IL7: variants seen among roughly 807,000 people sequenced by gnomAD.
The protein encoded by IL7 is interleukin-7.
Under a neutral mutation model 21.6 loss-of-function variants are expected in IL7, and 3 were observed. That is an observed-to-expected ratio of 0.14 (90% CI 0.06 to 0.36). The LOEUF (loss-of-function observed/expected upper bound fraction) is 0.36. Among genes scored for constraint, IL7 ranks in the 10% least tolerant of loss-of-function variants. IL7 has a pLI of 1.00. For missense variants in IL7, 175 were observed against 200.2 expected (o/e 0.87, Z 0.76); for synonymous variants, 62 against 68.1 (o/e 0.91, Z 0.44).
chr8:78,680,719 G>A (rs184391551), intron 4 of IL7, among the ~76,000 whole-genome samples: 13 of 152,276 alleles, frequency 8.5e-5, no homozygotes, highest in Admixed American at 6.5e-4. Context: ...GAAATTACCC[G>A]TAAGAGGAGG....
chr8:78,676,138 A>G (rs78656367), intron 4 of IL7: 4 of 249,694 alleles, frequency 1.6e-5, no homozygotes, highest in Non-Finnish European at 3.0e-5. Flanking sequence ...AAAAAAAAAA[A>G]CAAAATCAGA....
At chr8:78,698,274 C>A in intron 3 of IL7, 1 of 630,106 alleles carries the variant, frequency 1.6e-6, no homozygotes, top group Non-Finnish European at 2.6e-6. Flanking sequence ...TCTGGAAATG[C>A]CATTTAAAAA....
intron 2 of IL7, among the ~76,000 whole-genome samples, chr8:78,783,244 A>G (rs2130812606): frequency 6.6e-6 from 1 of 152,302 alleles, no homozygotes; most frequent in Non-Finnish European, 1.5e-5. Flanking sequence ...GTGTGGGCTT[A>G]TGATGGGAAT....
chr8:78,752,667 C>T (rs1812213520), intron 2 of IL7, among the ~76,000 whole-genome samples: 1 of 152,064 alleles, frequency 6.6e-6, no homozygotes, highest in Admixed American at 6.6e-5. Context: ...CATAGGTATA[C>T]ATGTGCCATG....
intron 3 of IL7, among the ~76,000 whole-genome samples, chr8:78,694,442 T>G (rs1372667987): frequency 6.6e-6 from 1 of 152,192 alleles, no homozygotes; most frequent in Admixed American, 6.5e-5. Context: ...TAGGTATCTA[T>G]GAGTCTTATC....
At chr8:78,717,146 TA>T (rs370508243), downstream of IL7, among the ~76,000 whole-genome samples, 212 of 151,442 alleles carry the variant, frequency 1.4e-3, no homozygotes, top group East Asian at 2.5e-3. Flanking sequence ...AATATAATGT[TA>T]AAAAAAAATG....
intron 2 of IL7, among the ~76,000 whole-genome samples, chr8:78,764,491 A>T (rs1563426184): frequency 6.6e-6 from 1 of 152,114 alleles, no homozygotes. Flanking sequence ...TAAAAGTTGC[A>T]GGATACAAGA....
At chr8:78,775,599 C>T (rs1813106767) in intron 2 of IL7, among the ~76,000 whole-genome samples, 2 of 152,114 alleles carry the variant, frequency 1.3e-5, no homozygotes, top group Non-Finnish European at 2.9e-5. Flanking sequence ...TCCAACATCT[C>T]ATAGCCAAAG....
At chr8:78,779,948 T>C (rs1047693131) in intron 2 of IL7, among the ~76,000 whole-genome samples, 5 of 152,336 alleles carry the variant, frequency 3.3e-5, no homozygotes, top group Admixed American at 2.6e-4. Context: ...TTCAACTTCT[T>C]CCTGGTTCAG....
At chr8:78,699,798 C>A (rs1398754679) in intron 3 of IL7, among the ~76,000 whole-genome samples, 2 of 152,118 alleles carry the variant, frequency 1.3e-5, no homozygotes, top group African/African-American at 2.4e-5. Flanking sequence ...AGGACATGAT[C>A]TAATTCCTTT....
rs1810558649 is a variant in IL7, at chr8:78,700,317, T to A, written n.215-14370A>T. ...TTGTCCACTTTTTAATGGGATTGTT[T>A]GTTTTTTTTCTTGTAAGTTTCTTTT... On this transcript the variant is annotated intron_variant and non_coding_transcript_variant, in intron 3 of 4. Transcript: ENST00000523959. Among the ~76,000 whole-genome samples the A allele has an allele frequency of 2.6e-5, 4 of 152,168 alleles. No homozygotes were observed. The South Asian group carries it at 8.3e-4, about 32-fold the overall frequency.
chr8:78,780,471 C>T (rs1041006676), intron 2 of IL7, among the ~76,000 whole-genome samples: 1 of 152,124 alleles, frequency 6.6e-6, no homozygotes, highest in African/African-American at 2.4e-5. Context: ...CTGACTTGTG[C>T]CTTAAGTTCA....
At chr8:78,790,153 A>G (rs553709866) in intron 2 of IL7, among the ~76,000 whole-genome samples, 1 of 152,312 alleles carries the variant, frequency 6.6e-6, no homozygotes, top group East Asian at 1.9e-4. Context: ...TAAGTTTACA[A>G]CTTAAAATAA....
chr8:78,792,758 G>A (rs995555234), intron 2 of IL7, among the ~76,000 whole-genome samples: 1 of 152,048 alleles, frequency 6.6e-6, no homozygotes, highest in African/African-American at 2.4e-5. Context: ...GAGATAGCTA[G>A]AATAAAAAGT....
intron 2 of IL7, among the ~76,000 whole-genome samples, chr8:78,757,428 C>G (rs1186501192): frequency 6.6e-6 from 1 of 151,866 alleles, no homozygotes; most frequent in Non-Finnish European, 1.5e-5. Flanking sequence ...AGATTAAGTC[C>G]AATATTTCTT....
At chr8:78,803,061 G>A (rs763719793) in intron 1 of IL7, among the ~76,000 whole-genome samples, 2 of 152,286 alleles carry the variant, frequency 1.3e-5, no homozygotes, top group African/African-American at 2.4e-5. Context: ...ACGTAAGTTC[G>A]TTCTATGAAA....
chr8:78,801,550 C>T (rs1226804852), intron 1 of IL7, among the ~76,000 whole-genome samples: 7 of 152,070 alleles, frequency 4.6e-5, no homozygotes, highest in South Asian at 2.1e-4. Flanking sequence ...CCGTGAGCCA[C>T]GATCTACTGA....
At chr8:78,750,168 A>G (rs1397960507) in intron 2 of IL7, among the ~76,000 whole-genome samples, 2 of 152,044 alleles carry the variant, frequency 1.3e-5, no homozygotes, top group Non-Finnish European at 2.9e-5. Flanking sequence ...GGAAAAAAAT[A>G]CCCAGCTCAA....
At chr8:78,683,583 C>T (rs1334265927) in intron 4 of IL7, among the ~76,000 whole-genome samples, 1 of 152,092 alleles carries the variant, frequency 6.6e-6, no homozygotes, top group African/African-American at 2.4e-5. Flanking sequence ...AACCATTTTT[C>T]CCTTCTAGGC....
Sources: allele counts gnomAD v4.1 joint callset (sites outside exome capture counted in the v4.1 genomes callset), GRCh38; gene constraint gnomAD v4.1.1; transcripts MANE v1.5; gene names NCBI Gene and HGNC (gene_info 2026-07-23, HGNC 2026-07-21).